Variants in CCNY observed in about 807,000 individuals in gnomAD.
CCNY encodes the protein cyclin-Y.
In CCNY, 19 loss-of-function variants were observed where a neutral mutation model predicts 42.8. The ratio of observed to expected loss-of-function variants is 0.44; its 90% CI spans 0.31 to 0.65. The LOEUF (loss-of-function observed/expected upper bound fraction) is 0.65, where lower values mean the gene tolerates loss of function less well. Among genes scored for constraint, CCNY ranks in the 30% least tolerant of loss-of-function variants. CCNY has a pLI of 0.07. For synonymous variants in CCNY, 165 were observed against 162.7 expected (o/e 1.01, Z -0.11); for missense variants, 370 against 437.3 (o/e 0.85, Z 1.37).
intron 1 of CCNY, among the ~76,000 whole-genome samples, chr10:35,340,456 A>T (rs1836151576): frequency 6.6e-6 from 1 of 151,418 alleles, no homozygotes. Flanking sequence ...GCTGTACCAT[A>T]GTGTCCTTGT....
At chr10:35,503,399 C>T (rs1025798947) in intron 3 of CCNY, among the ~76,000 whole-genome samples, 10 of 152,128 alleles carry the variant, frequency 6.6e-5, no homozygotes, top group Non-Finnish European at 5.9e-5. Context: ...GCAGCGTGAC[C>T]CTCTAAACTG....
At position 35,494,277 on chromosome 10, in the gene CCNY, T is replaced by A. The variant is rs897875803; in HGVS notation, c.230-7224T>A. On this transcript the variant is annotated intron_variant, in intron 2 of 9. Coordinates refer to ENST00000374704, the MANE Select transcript of CCNY (RefSeq NM_145012.6). ...ACAAAAAAATAAAGATTTTTTTTTT[T>A]TAAAGAAAGAGTTGCTTCAACACAC... Among the ~76,000 whole-genome samples, 5 of 150,210 alleles carry A rather than the reference T, an allele frequency of 3.3e-5. No homozygotes were observed. In the South Asian group the frequency reaches 1.1e-3, roughly 32 times the overall value.
chr10:35,468,892 C>T (rs1284065480), intron 1 of CCNY, among the ~76,000 whole-genome samples: 1 of 152,160 alleles, frequency 6.6e-6, no homozygotes, highest in Non-Finnish European at 1.5e-5. Context: ...CCAGCCCAGC[C>T]TCCTTTTCAT....
At chr10:35,480,971 C>CA (rs200456746) in intron 1 of CCNY, among the ~76,000 whole-genome samples, 1 of 151,888 alleles carries the variant, frequency 6.6e-6, no homozygotes, top group Non-Finnish European at 1.5e-5. Context: ...ATCTCAAAAA[C>CA]AAAAAAACAA....
At chr10:35,278,697 G>A (rs1190727065) in intron 3 of CCNY, among the ~76,000 whole-genome samples, 1 of 152,114 alleles carries the variant, frequency 6.6e-6, no homozygotes, top group Non-Finnish European at 1.5e-5. Flanking sequence ...TCATTCTTTT[G>A]TGACCCTGGT....
At chr10:35,547,976 C>T (rs961788529) in intron 7 of CCNY, among the ~76,000 whole-genome samples, 1 of 152,212 alleles carries the variant, frequency 6.6e-6, no homozygotes, top group South Asian at 2.1e-4. Flanking sequence ...CTTAGAACCT[C>T]TTACTACAGC....
At chr10:35,465,299 G>T (rs1391969136) in intron 1 of CCNY, among the ~76,000 whole-genome samples, 1 of 151,924 alleles carries the variant, frequency 6.6e-6, no homozygotes, top group African/African-American at 2.4e-5. Context: ...CTGCCTTTGT[G>T]CTGGGGTCCG....
intron 3 of CCNY, among the ~76,000 whole-genome samples, chr10:35,279,111 T>G (rs1010935960): frequency 1.1e-5 from 1 of 93,606 alleles, no homozygotes; most frequent in Non-Finnish European, 2.1e-5. Context: ...GCTTTCAATG[T>G]TTTTTTTTTT....
chr10:35,313,266 A>G (rs1259149381), intron 3 of CCNY, among the ~76,000 whole-genome samples: 1 of 152,204 alleles, frequency 6.6e-6, no homozygotes, highest in Non-Finnish European at 1.5e-5. Context: ...GGACATATAG[A>G]TTCCACATAG....
intron 3 of CCNY, among the ~76,000 whole-genome samples, chr10:35,513,369 A>C (rs1011560038): frequency 1.3e-5 from 2 of 152,116 alleles, no homozygotes; most frequent in African/African-American, 4.8e-5. Context: ...TATTTGGGAC[A>C]ATCTTTCTAA....
At chr10:35,358,182 T>A (rs1203678851) in intron 1 of CCNY, among the ~76,000 whole-genome samples, 3 of 152,108 alleles carry the variant, frequency 2.0e-5, no homozygotes. Context: ...CTGTACTCAT[T>A]CATGATACCT....
chr10:35,337,092 C>G lies in CCNY; in HGVS notation c.39C>G (p.Pro13=). ...NTTSCCVSSS[P]KLRRNAHSRL... is the part of the protein sequence containing the mutation. ...CCTCGTGCTGCGTGTCGTCCAGTCC[C>G]AAGCTCCGGAGGAATGCCCACTCCC... Residue 13 remains proline, a synonymous_variant, in exon 1 of 10, where the codon CCC becomes CCG. Transcript: ENST00000374704. 1 of 1,595,606 alleles carries G rather than the reference C, an allele frequency of 6.3e-7. No homozygotes were observed. The highest frequency in any genetic ancestry group is 8.5e-7 in the Non-Finnish European group (1 of 1,172,962).
At chr10:35,344,572 C>T (rs3117489) in intron 1 of CCNY, among the ~76,000 whole-genome samples, 64,674 of 151,796 alleles carry the variant, frequency 0.43, 14,775 homozygotes, top group African/African-American at 0.59. Flanking sequence ...TACTTTATTT[C>T]TTTTTTACTT....
intron 3 of CCNY, among the ~76,000 whole-genome samples, chr10:35,319,777 T>C (rs1835800961): frequency 6.6e-6 from 1 of 151,964 alleles, no homozygotes; most frequent in South Asian, 2.1e-4. Context: ...AGTGAAACCC[T>C]GTCTCTACTG....
At chr10:35,482,521 G>A (rs904951354) in intron 1 of CCNY, among the ~76,000 whole-genome samples, 6 of 152,162 alleles carry the variant, frequency 3.9e-5, no homozygotes, top group Admixed American at 2.6e-4. Flanking sequence ...ACAAGTTGTA[G>A]ACCTTGGAGC....
chr10:35,508,450 C>G (rs1391584771), intron 3 of CCNY, among the ~76,000 whole-genome samples: 1 of 152,218 alleles, frequency 6.6e-6, no homozygotes, highest in African/African-American at 2.4e-5. Flanking sequence ...TAAGATATTT[C>G]AGGCTCATCT....
rs755423751 is a variant in CCNY, at chr10:35,516,573, C to T, written c.315C>T (p.Phe105=). ...ARKYSSCSTI[F]LDDSTVSQPN... is the part of the protein sequence containing the mutation. ...AATACAGTTCCTGCTCCACCATTTTCCTAGATGATAGCACAGTCAGTCAAC... is the reference window on the plus strand; with the variant it reads ...AATACAGTTCCTGCTCCACCATTTTTCTAGATGATAGCACAGTCAGTCAAC... Residue 105 remains phenylalanine (F), a synonymous_variant, in exon 4 of 10, where the codon TTC becomes TTT. Coordinates refer to ENST00000374704, the MANE Select transcript of CCNY (RefSeq NM_145012.6). The T allele has an allele frequency of 1.1e-5, 18 of 1,611,870 alleles. No homozygotes were observed. The East Asian group carries it at 4.0e-4, about 36-fold the overall frequency.
chr10:35,415,597 C>G (rs1408039482), intron 1 of CCNY, among the ~76,000 whole-genome samples: 1 of 152,228 alleles, frequency 6.6e-6, no homozygotes, highest in African/African-American at 2.4e-5. Context: ...GCAGGGGAGG[C>G]TGCTTGGGAA....
intron 1 of CCNY, among the ~76,000 whole-genome samples, chr10:35,372,093 G>T (rs1334179010): frequency 1.3e-5 from 2 of 152,186 alleles, no homozygotes; most frequent in East Asian, 3.9e-4. Flanking sequence ...GCAACTGGCA[G>T]ATGCATATGT....
Sources: gnomAD v4.1 joint callset for allele counts (sites outside exome capture counted in the v4.1 genomes callset) on GRCh38, gnomAD v4.1.1 for gene constraint, MANE v1.5 for transcripts, NCBI Gene and HGNC (gene_info 2026-07-23, HGNC 2026-07-21) for gene names.